Variants in LIPE observed in about 807,000 individuals in gnomAD.
LIPE encodes hormone-sensitive lipase.
A neutral mutation model predicts 88.5 loss-of-function variants in LIPE; 66 were observed. That is an observed-to-expected ratio of 0.75 (90% CI 0.61 to 0.91). LIPE has a LOEUF of 0.91. Among genes scored for constraint, LIPE ranks in the 40% least tolerant of loss-of-function variants. The probability of loss-of-function intolerance (pLI) is 0.00; values close to 1 mark genes in which losing one functional copy is unlikely to be tolerated. For missense variants in LIPE, 1,346 were observed against 1,434.7 expected (o/e 0.94, Z 1.00); for synonymous variants, 570 against 617.5 (o/e 0.92, Z 1.14).
In LIPE at chr19:42,407,239, A is replaced by G; in HGVS notation, c.2072T>C (p.Phe691Ser). 6.3e-7 allele frequency: 1 copy of G among 1,584,946 alleles called. No homozygotes were observed. The highest frequency in any genetic ancestry group is 8.6e-7 in the Non-Finnish European group (1 of 1,165,530). ...IDYSLAPEAPFPRALEECFFA... is the reference protein window; with the variant it reads ...IDYSLAPEAPSPRALEECFFA... ...GAAGCACTCCTCCAGCGCACGGGGGAAGGGGGCCTCAGGGGCCAGGGAGTA... is the reference window on the plus strand; with the variant it reads ...GAAGCACTCCTCCAGCGCACGGGGGGAGGGGGCCTCAGGGGCCAGGGAGTA... The change falls in exon 6 of 10, where the codon TTC becomes TCC. Residue 691 changes from phenylalanine (F) to serine (S), a missense_variant. Physicochemically the swap from Phe to Ser is radical, Grantham distance 155. Transcript: ENST00000244289. This position sits in a 1 kb window ranked among gnomAD's most constrained non-coding sequence, Gnocchi z 5.8.
intron 2 of LIPE, among the ~76,000 whole-genome samples, chr19:42,409,556 AC>A (rs1276202027): frequency 6.6e-6 from 1 of 152,174 alleles, no homozygotes; most frequent in Non-Finnish European, 1.5e-5. Flanking sequence ...AGTGACCAAG[AC>A]AGGGGAGGCC....
chr19:42,413,359 T>C (rs2040422778), intron 1 of LIPE, among the ~76,000 whole-genome samples: 1 of 152,198 alleles, frequency 6.6e-6, no homozygotes, highest in African/African-American at 2.4e-5. Context: ...AAATACAGAA[T>C]TACAAATACA....
chr19:42,420,130 G>A (rs2040568679), intron 1 of LIPE, among the ~76,000 whole-genome samples: 1 of 151,782 alleles, frequency 6.6e-6, no homozygotes, highest in Admixed American at 6.6e-5. Context: ...ATCCCTTTTG[G>A]CAGATGACAA....
At chr19:42,423,663 T>C (rs554941173) in intron 1 of LIPE, 30 of 1,161,854 alleles carry the variant, frequency 2.6e-5, no homozygotes, top group Admixed American at 4.3e-5. Flanking sequence ...CTTCTCTGGG[T>C]CCAGCTCCCT....
chr19:42,406,296 G>A lies in LIPE; in HGVS notation c.2230C>T (p.Arg744Trp), dbSNP rs765329361. ...GCTGCCATGATGCCATCTGGCACCC[G>A]CACCCCGTAGGCTGCTGCCCGAAGA... is the stretch of plus-strand genomic sequence containing the variant. ...VALRAAAYGVRVPDGIMAAYP... is the reference protein window; with the variant it reads ...VALRAAAYGVWVPDGIMAAYP... The change falls in exon 7 of 10, where the codon CGG becomes TGG. Residue 744 changes from arginine (R) to tryptophan (W), a missense_variant. Physicochemically the swap from Arg to Trp is moderately radical, Grantham distance 101. Transcript: ENST00000244289. The surrounding 1 kb of genome is among the most constrained non-coding windows in gnomAD (Gnocchi z 5.7). 12 of 1,614,020 alleles carry A rather than the reference G, an allele frequency of 7.4e-6. No homozygotes were observed. The highest frequency in any genetic ancestry group is 9.3e-6 in the Non-Finnish European group (11 of 1,179,942).
At position 42,407,858 on chromosome 19, in the gene LIPE, T is replaced by A; in HGVS notation, c.1657-67A>T. ...TGCAGGGGTGCCCTTCACCTCTCCC[T>A]CTGATCCCCAGTCTTTCCCCTTGTG... is the stretch of plus-strand genomic sequence containing the variant. On this transcript the variant is annotated intron_variant, in intron 4 of 9. Coordinates refer to ENST00000244289, the MANE Select transcript of LIPE (RefSeq NM_005357.4). This position sits in a 1 kb window ranked among gnomAD's most constrained non-coding sequence, Gnocchi z 5.8. 1 of 1,552,156 alleles carries A rather than the reference T, an allele frequency of 6.4e-7. No homozygotes were observed. The highest frequency in any genetic ancestry group is 8.7e-7 in the Non-Finnish European group (1 of 1,149,468).
chr19:42,421,555 A>G (rs943320491), intron 1 of LIPE, among the ~76,000 whole-genome samples: 1 of 152,252 alleles, frequency 6.6e-6, no homozygotes, highest in African/African-American at 2.4e-5. Flanking sequence ...TGTCTGCTGA[A>G]TGAATCTGTG....
At position 42,407,545 on chromosome 19, in the gene LIPE, G is replaced by C. The variant is rs905145372; in HGVS notation, c.1842+61C>G. The C allele has an allele frequency of 4.4e-6, 7 of 1,575,760 alleles. No individual in the cohort carries two copies. Among genetic ancestry groups the C allele is most frequent in the Admixed American group, 3.5e-5 (2 of 57,246 alleles). ...CTGCACCCCTCCATGGGGATGCCAA[G>C]GTGGGGGCTGCCCACGCTCCTCGGC... is the stretch of plus-strand genomic sequence containing the variant. On this transcript the variant is annotated intron_variant, in intron 5 of 9. Transcript: ENST00000244289. The surrounding 1 kb of genome is among the most constrained non-coding windows in gnomAD (Gnocchi z 5.8).
chr19:42,412,826 T>C (rs1349253078), intron 1 of LIPE, among the ~76,000 whole-genome samples: 1 of 152,194 alleles, frequency 6.6e-6, no homozygotes, highest in Non-Finnish European at 1.5e-5. Context: ...CCTCCTAGTC[T>C]GGCCCTGGCA....
chr19:42,405,976 T>TCTCTCACA (rs1367305518), intron 7 of LIPE, 185 bp downstream of exon 7: 17 of 418,570 alleles, frequency 4.1e-5, no homozygotes, highest in African/African-American at 2.7e-4. Context: ...TCTCTCTCTC[T>TCTCTCACA]CACACACACA....
intron 1 of LIPE, among the ~76,000 whole-genome samples, chr19:42,418,709 T>TTA (rs1270670767): frequency 1.3e-5 from 2 of 152,184 alleles, no homozygotes; most frequent in African/African-American, 4.8e-5. Flanking sequence ...GTTGTACACT[T>TTA]TAATAGACTA....
In LIPE at chr19:42,407,156, T is replaced by G; in HGVS notation, c.2137+18A>C. 6.8e-7 allele frequency: 1 copy of G among 1,475,352 alleles called. No homozygotes were observed. The highest frequency in any genetic ancestry group is 9.0e-7 in the Non-Finnish European group (1 of 1,111,066). The allele number at this position is 1,475,352 out of a possible 1,614,324, so 91.4% of individuals were successfully genotyped here. On this transcript the variant is annotated intron_variant, in intron 6 of 9. Transcript: ENST00000244289. The surrounding 1 kb of genome is among the most constrained non-coding windows in gnomAD (Gnocchi z 5.8). ...GGATGGGAGCAGGCGCAGGTGGCTG[T>G]GGGGGCCTGAGGCTCACCAAGGAGG...
Position 42,410,722 on chromosome 19 carries a change from G to A in LIPE, c.1004C>T (p.Ser335Leu). ...CTCCCGTACACCGGCAAAAACGCCT[G>A]ACAGCCGCTGGGCCGTTTCCCCAGG... ...QGPGETAQRLSGVFAGVREQA... is the reference protein window; with the variant it reads ...QGPGETAQRLLGVFAGVREQA... The change falls in exon 2 of 10, where the codon TCA becomes TTA. Residue 335 changes from serine (S) to leucine (L), a missense_variant. Coordinates refer to ENST00000244289, the MANE Select transcript of LIPE (RefSeq NM_005357.4). This position sits in a 1 kb window ranked among gnomAD's most constrained non-coding sequence, Gnocchi z 6.1. 1 of 1,613,902 alleles carries A rather than the reference G, an allele frequency of 6.2e-7. No individual in the cohort carries two copies. The highest frequency in any genetic ancestry group is 8.5e-7 in the Non-Finnish European group (1 of 1,179,850).
Position 42,407,167 on chromosome 19 carries a change from G to A in LIPE, c.2137+7C>T, listed in dbSNP as rs1600113834. On this transcript the variant is annotated splice_region_variant and intron_variant, in intron 6 of 9. Transcript: ENST00000244289. The surrounding 1 kb of genome is among the most constrained non-coding windows in gnomAD (Gnocchi z 5.8). ...GGCGCAGGTGGCTGTGGGGGCCTGA[G>A]GCTCACCAAGGAGGGCGCAGTGCTT... 1 of 1,487,518 alleles carries A rather than the reference G, an allele frequency of 6.7e-7. No individual in the cohort carries two copies. The highest frequency in any genetic ancestry group is 9.0e-7 in the Non-Finnish European group (1 of 1,115,752). 92.1% of individuals were successfully genotyped at this position (1,487,518 alleles called of 1,614,324 possible). A position where few individuals can be genotyped will look rare whatever the true frequency, so the allele number is the denominator to read the frequency against.
At position 42,406,327 on chromosome 19, in the gene LIPE, G is replaced by A. The variant is rs780058226; in HGVS notation, c.2199C>T (p.Thr733=). 13 of 1,614,096 alleles carry A rather than the reference G, an allele frequency of 8.1e-6. No homozygotes were observed. Among genetic ancestry groups the A allele is most frequent in the Middle Eastern group, 1.6e-4 (1 of 6,084 alleles). Residue 733 remains threonine (T), a synonymous_variant, in exon 7 of 10, where the codon ACC becomes ACT. Transcript: ENST00000244289. This position sits in a 1 kb window ranked among gnomAD's most constrained non-coding sequence, Gnocchi z 5.7. ...GDSAGGNLCF[T]VALRAAAYGV... The stretch of plus-strand genomic sequence containing the variant: ...CGTAGGCTGCTGCCCGAAGAGCCAC[G>A]GTGAAGCAGAGGTTCCCGCCTGCAC...
Position 42,426,841 on chromosome 19 carries a change from C to T in LIPE, c.309G>A (p.Arg103=), listed in dbSNP as rs769044026. ...PAPQQSPYIQ[R]VLLTQQEAAS... is the part of the protein sequence containing the mutation. ...CAGCTTCCTGTTGAGTGAGCAGCACCCTTTGGATGTAAGGTGATTGCTGTG... is the reference window on the plus strand; with the variant it reads ...CAGCTTCCTGTTGAGTGAGCAGCACTCTTTGGATGTAAGGTGATTGCTGTG... The change falls in exon 1 of 10, where the codon AGG becomes AGA. Residue 103 remains arginine, a synonymous_variant. Transcript: ENST00000244289. 1 of 1,614,086 alleles carries T rather than the reference C, an allele frequency of 6.2e-7. No homozygotes were observed. The highest frequency in any genetic ancestry group is 1.1e-5 in the South Asian group (1 of 91,078).
Position 42,407,617 on chromosome 19 carries a change from G to T in LIPE, c.1831C>A (p.Arg611Ser). 1 of 1,608,162 alleles carries T rather than the reference G, an allele frequency of 6.2e-7. No individual in the cohort carries two copies. The highest frequency in any genetic ancestry group is 1.1e-5 in the South Asian group (1 of 90,398). Residue 611 changes from arginine to serine, a missense_variant, in exon 5 of 10, where the codon CGT (arginine) becomes AGT (serine). Arg to Ser is a moderately radical substitution (Grantham distance 110). Transcript: ENST00000244289. The surrounding 1 kb of genome is among the most constrained non-coding windows in gnomAD (Gnocchi z 5.8). ...VLVRLISYDL[R>S]EGQDSEELSS... ...GGCTGGAACCCTACCTGTCCTTCAC[G>T]CAGGTCATAGGAGATGAGCCTGACG...
rs1170527644 is a variant in LIPE, at chr19:42,405,970, TCTCTCTCA to T, written c.2365+183_2365+190del. On this transcript the variant is annotated intron_variant, in intron 7 of 9. Transcript: ENST00000244289. ...CACCTTGTGTCTGTCTGTCTCTCTC[TCTCTCTCA>T]CACACACACACACACACACACACAC... The T allele has an allele frequency of 9.5e-5, 54 of 568,236 alleles. 2 individuals are homozygous for T. The Admixed American group carries it at 1.5e-3, about 16-fold the overall frequency. The allele number at this position is 568,236 out of a possible 1,614,324, so 35.2% of individuals were successfully genotyped here.
chr19:42,424,248 C>T (rs753866244), intron 1 of LIPE: 10 of 598,420 alleles, frequency 1.7e-5, no homozygotes, highest in Non-Finnish European at 2.2e-5. Flanking sequence ...TGCGCACTAG[C>T]TTCAGGCCGC....
Sources: allele counts gnomAD v4.1 joint callset (sites outside exome capture counted in the v4.1 genomes callset), GRCh38; gene constraint gnomAD v4.1.1; non-coding constraint Gnocchi (gnomAD v3.1); transcripts MANE v1.5; gene names NCBI Gene and HGNC (gene_info 2026-07-23, HGNC 2026-07-21).